The following GIGYF2 variants were observed in gnomAD, a reference collection of about 807,000 sequenced individuals.
GIGYF2 encodes the protein GRB10-interacting GYF protein 2.
Under a neutral mutation model 208.1 loss-of-function variants are expected in GIGYF2, and 25 were observed. The observed-to-expected ratio is 0.12, with a 90% confidence interval of 0.09 to 0.17. The LOEUF is 0.17. Ranked by LOEUF, GIGYF2 falls within the 10% of genes least tolerant of loss-of-function variation. The pLI is 1.00. For synonymous variants in GIGYF2, 534 were observed against 543.8 expected (o/e 0.98, Z 0.25); for missense variants, 1,302 against 1,579.4 (o/e 0.82, Z 2.98).
chr2:232,783,237 A>G (rs1050543563), intron 8 of GIGYF2, among the ~76,000 whole-genome samples: 7 of 152,192 alleles, frequency 4.6e-5, no homozygotes, highest in Non-Finnish European at 1.0e-4. Context: ...CTTTGTTCCA[A>G]AAAGGATTTG....
intron 21 of GIGYF2, among the ~76,000 whole-genome samples, chr2:232,824,624 C>T (rs1559459237): frequency 1.3e-5 from 2 of 152,156 alleles, no homozygotes; most frequent in African/African-American, 4.8e-5. Flanking sequence ...AAGCCATTTC[C>T]ATAAAATAAA....
intron 2 of GIGYF2, among the ~76,000 whole-genome samples, chr2:232,727,686 A>G (rs1269766472): frequency 6.6e-6 from 1 of 152,182 alleles, no homozygotes; most frequent in Non-Finnish European, 1.5e-5. Context: ...TTCCTGTATC[A>G]GCCTGTACAG....
intron 28 of GIGYF2, among the ~76,000 whole-genome samples, chr2:232,850,792 G>A (rs919516231): frequency 4.6e-5 from 7 of 152,134 alleles, no homozygotes; most frequent in African/African-American, 1.7e-4. Flanking sequence ...CCATTAATCC[G>A]ATCAGGTGTT....
intron 21 of GIGYF2, among the ~76,000 whole-genome samples, chr2:232,828,169 A>C (rs1446390130): frequency 6.6e-6 from 1 of 151,826 alleles, no homozygotes; most frequent in Non-Finnish European, 1.5e-5. Context: ...TTTGTTTTTG[A>C]AGACATAGGG....
chr2:232,755,272 G>A (rs1004282316), intron 5 of GIGYF2, among the ~76,000 whole-genome samples: 1 of 152,192 alleles, frequency 6.6e-6, no homozygotes, highest in Non-Finnish European at 1.5e-5. Context: ...CTGGGCTCAA[G>A]CAATTCGCCT....
intron 6 of GIGYF2, among the ~76,000 whole-genome samples, chr2:232,759,877 G>A (rs781051780): frequency 3.9e-5 from 6 of 152,082 alleles, no homozygotes; most frequent in Admixed American, 6.5e-5. Flanking sequence ...TACCAGCTTT[G>A]TTGGTTCAAG....
intron 21 of GIGYF2, among the ~76,000 whole-genome samples, chr2:232,824,761 C>G (rs1054096970): frequency 6.6e-6 from 1 of 152,178 alleles, no homozygotes; most frequent in Non-Finnish European, 1.5e-5. Flanking sequence ...AAACAGCGTT[C>G]TACTAGAAGA....
intron 22 of GIGYF2, among the ~76,000 whole-genome samples, chr2:232,839,391 G>C (rs1701749135): frequency 6.6e-6 from 1 of 152,202 alleles, no homozygotes; most frequent in South Asian, 2.1e-4. Flanking sequence ...CATCTCTCAT[G>C]AGATGAGAAA....
At position 232,720,564 on chromosome 2, in the gene GIGYF2, AAT is replaced by A. The variant is rs61010365; in HGVS notation, c.-43-14572_-43-14571del. On this transcript the variant is annotated intron_variant, in intron 2 of 28. Transcript: ENST00000373563. The stretch of plus-strand genomic sequence containing the variant: ...TAGTTTACACTCCTACCAACAGTGT[AAT>A]ATATATATATATATATATTTTTGTT... Among the ~76,000 whole-genome samples, 173 of 114,898 alleles carry A rather than the reference AAT, an allele frequency of 1.5e-3. 3 individuals are homozygous for A. Among genetic ancestry groups the A allele is most frequent in the Middle Eastern group, 4.9e-3 (1 of 206 alleles). The allele number at this position is 114,898 out of a possible 152,430, so 75.4% of individuals were successfully genotyped here.
chr2:232,832,814 A>G, intron 21 of GIGYF2, 43 bp from the exon 22 acceptor site: 1 of 1,425,240 alleles, frequency 7.0e-7, no homozygotes. Context: ...TTCCCCCCAC[A>G]ATTAATAAAA....
In GIGYF2 at chr2:232,812,464, C is replaced by A; in HGVS notation, c.2080C>A (p.Leu694Ile). ...SVPDTGSIWE[L>I]QPTASQPTVW... ...GCCAGATACTGGCTCTATCTGGGAG[C>A]TTCAGCCAACAGCTTCACAGCCTAC... Residue 694 changes from leucine to isoleucine, a missense_variant, in exon 18 of 29, where the codon CTT (leucine) becomes ATT (isoleucine). Leu to Ile is a conservative substitution (Grantham distance 5). This residue lies in a region of GIGYF2 where 701 missense variants were observed against 793.0 expected (regional missense o/e 0.88). Coordinates refer to ENST00000373563, the MANE Select transcript of GIGYF2 (RefSeq NM_001103146.3). 1 of 1,499,104 alleles carries A rather than the reference C, an allele frequency of 6.7e-7. No homozygotes were observed. The highest frequency in any genetic ancestry group is 9.3e-7 in the Non-Finnish European group (1 of 1,075,406). 92.9% of individuals were successfully genotyped at this position (1,499,104 alleles called of 1,614,324 possible).
intron 9 of GIGYF2, among the ~76,000 whole-genome samples, chr2:232,789,942 A>C (rs923328615): frequency 6.6e-6 from 1 of 152,026 alleles, no homozygotes; most frequent in Non-Finnish European, 1.5e-5. Context: ...TTATATGGAT[A>C]GGGAGAATTA....
intron 8 of GIGYF2, chr2:232,770,874 GT>G (rs760000696): frequency 1.3e-6 from 2 of 1,533,522 alleles, no homozygotes; most frequent in Middle Eastern, 1.7e-4. Flanking sequence ...TTTTGTTTTT[GT>G]TTTTTTTAAG....
intron 2 of GIGYF2, among the ~76,000 whole-genome samples, chr2:232,727,670 T>TC (rs1697266469): frequency 6.6e-6 from 1 of 152,242 alleles, no homozygotes; most frequent in Non-Finnish European, 1.5e-5. Context: ...GTGGTCTTTC[T>TC]CTTTCTTCCT....
At chr2:232,832,711 T>G in intron 21 of GIGYF2, 146 bp from the exon 22 acceptor site, 1 of 639,326 alleles carries the variant, frequency 1.6e-6, no homozygotes, top group East Asian at 2.8e-5. Flanking sequence ...AAAGAAAGGT[T>G]ACTTCTACCT....
chr2:232,800,568 T>C (rs56953250), intron 14 of GIGYF2, among the ~76,000 whole-genome samples: 14,414 of 143,658 alleles, frequency 0.1, 952 homozygotes, highest in African/African-American at 0.19. Context: ...TCCTCCAGCT[T>C]TGTTTTTCTT....
chr2:232,855,714 T>G (rs1690540235), intron 28 of GIGYF2, among the ~76,000 whole-genome samples: 1 of 152,146 alleles, frequency 6.6e-6, no homozygotes, highest in Middle Eastern at 3.2e-3. Context: ...AAAGGGGTAT[T>G]AATCCCACTC....
intron 6 of GIGYF2, chr2:232,760,028 C>G (rs1251342034): frequency 1.8e-5 from 3 of 166,208 alleles, no homozygotes; most frequent in Admixed American, 1.7e-4. Context: ...TATCCTTTCT[C>G]TGGGATTAGA....
chr2:232,757,299 A>C (rs1698586130), intron 6 of GIGYF2, among the ~76,000 whole-genome samples: 1 of 151,294 alleles, frequency 6.6e-6, no homozygotes, highest in African/African-American at 2.5e-5. Flanking sequence ...TTGTTTTGCT[A>C]GGTACTATTA....
Sources: allele counts gnomAD v4.1 joint callset (sites outside exome capture counted in the v4.1 genomes callset), GRCh38; gene constraint gnomAD v4.1.1; regional missense constraint gnomAD v4.1.1; transcripts MANE v1.5; gene names NCBI Gene and HGNC (gene_info 2026-07-23, HGNC 2026-07-21).